CNTN5: variants seen among roughly 807,000 people sequenced by gnomAD.
CNTN5 encodes the protein contactin 5.
In CNTN5, 77 loss-of-function variants were observed where a neutral mutation model predicts 129.1. That is an observed-to-expected ratio of 0.60 (90% confidence interval 0.50 to 0.72). The LOEUF is 0.72. CNTN5 is among the 30% of genes least tolerant of loss of function. CNTN5 has a pLI of 0.00. For synonymous variants in CNTN5, 509 were observed against 465.6 expected, an observed-to-expected ratio of 1.09 and a Z score of -1.20; for missense variants, 1,478 against 1,328.8, an observed-to-expected ratio of 1.11 and a Z score of -1.75.
At chr11:100,171,684 T>C (rs1027782146) in intron 13 of CNTN5, among the ~76,000 whole-genome samples, 2 of 152,012 alleles carry the variant, frequency 1.3e-5, no homozygotes, top group South Asian at 4.1e-4. Flanking sequence ...CAGTGCAAAG[T>C]CACTCTGAAA....
intron 2 of CNTN5, among the ~76,000 whole-genome samples, chr11:99,386,134 T>C (rs1940911824): frequency 6.6e-6 from 1 of 152,166 alleles, no homozygotes. Flanking sequence ...ATTGCTCTTA[T>C]TGGACTTCAC....
chr11:99,969,740 C>T (rs893927707), intron 8 of CNTN5, among the ~76,000 whole-genome samples: 3 of 152,136 alleles, frequency 2.0e-5, no homozygotes, highest in South Asian at 2.1e-4. Flanking sequence ...TTCACTGTCT[C>T]TTCTCAATCT....
intron 3 of CNTN5, among the ~76,000 whole-genome samples, chr11:99,781,194 T>C (rs1280972659): frequency 6.6e-6 from 1 of 152,066 alleles, no homozygotes; most frequent in Non-Finnish European, 1.5e-5. Flanking sequence ...AATAAATTGT[T>C]AACTGCCTGA....
At chr11:100,263,747 C>G (rs1167243875) in intron 17 of CNTN5, among the ~76,000 whole-genome samples, 1 of 152,138 alleles carries the variant, frequency 6.6e-6, no homozygotes, top group Non-Finnish European at 1.5e-5. Flanking sequence ...AGTATGACAG[C>G]TTAAATCTTT....
intron 6 of CNTN5, among the ~76,000 whole-genome samples, chr11:99,851,542 G>A (rs777501916): frequency 6.6e-6 from 1 of 152,140 alleles, no homozygotes; most frequent in Non-Finnish European, 1.5e-5. Flanking sequence ...CCACAGTTGG[G>A]ATTTTTAGAA....
At chr11:99,427,604 A>G (rs573917953) in intron 2 of CNTN5, among the ~76,000 whole-genome samples, 6 of 151,738 alleles carry the variant, frequency 4.0e-5, no homozygotes, top group African/African-American at 1.5e-4. Flanking sequence ...GTCTCTACTA[A>G]AAATACAAAA....
At chr11:99,675,667 C>A (rs1176042498) in intron 3 of CNTN5, among the ~76,000 whole-genome samples, 2 of 151,978 alleles carry the variant, frequency 1.3e-5, no homozygotes, top group African/African-American at 2.4e-5. Flanking sequence ...AGCCTGTCGA[C>A]AGAGCAAAAC....
chr11:99,314,513 A>G (rs1212752169), intron 1 of CNTN5, among the ~76,000 whole-genome samples: 1 of 152,032 alleles, frequency 6.6e-6, no homozygotes, highest in African/African-American at 2.4e-5. Flanking sequence ...TTCATCATTA[A>G]ATAGTGAGAG....
At chr11:99,032,729 C>G (rs1193079888) in intron 1 of CNTN5, among the ~76,000 whole-genome samples, 1 of 149,552 alleles carries the variant, frequency 6.7e-6, no homozygotes, top group African/African-American at 2.5e-5. Flanking sequence ...CCTGTTCACT[C>G]TGATGGTAGT....
intron 6 of CNTN5, among the ~76,000 whole-genome samples, chr11:99,855,763 A>G (rs1315993748): frequency 6.6e-6 from 1 of 152,208 alleles, no homozygotes; most frequent in Admixed American, 6.5e-5. Context: ...AACTAGAAAA[A>G]TTTAGAGTCT....
intron 3 of CNTN5, among the ~76,000 whole-genome samples, chr11:99,576,576 T>C (rs1281547202): frequency 6.6e-6 from 1 of 152,218 alleles, no homozygotes; most frequent in African/African-American, 2.4e-5. Context: ...TCAGTCTTAA[T>C]TCATAGAGGT....
chr11:99,663,816 C>T (rs896132199), intron 3 of CNTN5, among the ~76,000 whole-genome samples: 5 of 152,136 alleles, frequency 3.3e-5, no homozygotes, highest in African/African-American at 1.2e-4. Context: ...TCAATTAAAC[C>T]TCTTTTCTTT....
intron 3 of CNTN5, among the ~76,000 whole-genome samples, chr11:99,653,600 C>T (rs896353217): frequency 2.0e-5 from 3 of 151,978 alleles, no homozygotes; most frequent in Non-Finnish European, 4.4e-5. Flanking sequence ...GGGGAAAATG[C>T]TTATAGGCAA....
rs57981357 is a variant in CNTN5, at chr11:99,099,549, T to TACACACAC, written c.-210+78303_-210+78310dup. ...TTACAGCATAAAAATATAATGTGTA[T>TACACACAC]ACACACACACACACACACACACACA... On this transcript the variant is annotated intron_variant, in intron 1 of 24. Coordinates refer to ENST00000524871, the MANE Select transcript of CNTN5 (RefSeq NM_014361.4). Among the ~76,000 whole-genome samples, 173 of 149,762 alleles carry TACACACAC rather than the reference T, an allele frequency of 1.2e-3. 1 individual carries two copies. The highest frequency in any genetic ancestry group is 4.1e-3 in the African/African-American group (168 of 40,838).
chr11:99,451,985 G>A (rs1944319792), intron 2 of CNTN5, among the ~76,000 whole-genome samples: 1 of 152,026 alleles, frequency 6.6e-6, no homozygotes, highest in Admixed American at 6.6e-5. Flanking sequence ...TTGCTCCGAA[G>A]TACAAATTGC....
chr11:99,393,180 G>C (rs1433230229), intron 2 of CNTN5, among the ~76,000 whole-genome samples: 1 of 151,830 alleles, frequency 6.6e-6, no homozygotes, highest in Non-Finnish European at 1.5e-5. Flanking sequence ...CAACTGGAAG[G>C]AAAGTGTACT....
At chr11:99,393,758 A>G (rs960438723) in intron 2 of CNTN5, among the ~76,000 whole-genome samples, 1 of 151,742 alleles carries the variant, frequency 6.6e-6, no homozygotes, top group Non-Finnish European at 1.5e-5. Context: ...TATGAGTTCT[A>G]TAGTAACTTT....
chr11:99,188,698 C>T (rs573884342), intron 1 of CNTN5, among the ~76,000 whole-genome samples: 1 of 151,640 alleles, frequency 6.6e-6, no homozygotes, highest in South Asian at 2.1e-4. Flanking sequence ...CGTTCTCATG[C>T]TTATGCTCGT....
intron 16 of CNTN5, among the ~76,000 whole-genome samples, chr11:100,251,251 TG>T (rs1949956944): frequency 1.3e-5 from 2 of 152,160 alleles, no homozygotes; most frequent in East Asian, 1.9e-4. Context: ...ATGTAGATGC[TG>T]GCTGAAGCTG....
Sources: gnomAD v4.1 joint callset for allele counts (sites outside exome capture counted in the v4.1 genomes callset) on GRCh38, gnomAD v4.1.1 for gene constraint, MANE v1.5 for transcripts, NCBI Gene and HGNC (gene_info 2026-07-23, HGNC 2026-07-21) for gene names.